CEP295: variants seen among roughly 807,000 people sequenced by gnomAD.
The protein encoded by CEP295 is centrosomal protein of 295 kDa.
CEP295 carries 190 observed loss-of-function variants against 291.6 expected under a neutral mutation model. The ratio of observed to expected loss-of-function variants is 0.65; its 90% confidence interval spans 0.58 to 0.73. CEP295 has a LOEUF of 0.73. CEP295 is among the 30% of genes least tolerant of loss of function. The pLI, the probability that CEP295 is intolerant of heterozygous loss-of-function variation, is 0.00. For missense variants in CEP295, 2,863 were observed against 2,949.4 expected, an observed-to-expected ratio of 0.97 and a Z score of 0.68; for synonymous variants, 993 against 1,038.8, an observed-to-expected ratio of 0.96 and a Z score of 0.85.
chr11:93,695,276 C>CT (rs1951793064), intron 12 of CEP295, among the ~76,000 whole-genome samples: 2 of 152,110 alleles, frequency 1.3e-5, no homozygotes, highest in African/African-American at 4.8e-5. Flanking sequence ...TTCCTTCTGC[C>CT]TTTTTTTACT....
intron 4 of CEP295, 58 bp downstream of exon 4, chr11:93,668,990 G>T: frequency 1.3e-6 from 1 of 790,460 alleles, no homozygotes; most frequent in Non-Finnish European, 2.0e-6. Context: ...GAAAGTAGAG[G>T]ATACATAGGA....
At chr11:93,682,722 T>A (rs1951036086) in intron 7 of CEP295, among the ~76,000 whole-genome samples, 1 of 152,196 alleles carries the variant, frequency 6.6e-6, no homozygotes, top group African/African-American at 2.4e-5. Flanking sequence ...TTAACTAATA[T>A]TTGACTTCTA....
Position 93,698,352 on chromosome 11 carries a change from A to G in CEP295, c.3440A>G (p.Asp1147Gly), listed in dbSNP as rs1951957640. 2 of 1,552,218 alleles carry G rather than the reference A, an allele frequency of 1.3e-6. No individual in the cohort carries two copies. The highest frequency in any genetic ancestry group is 2.0e-5 in the Admixed American group (1 of 51,012). The part of the protein sequence containing the change: ...SCHLIIPTFQ[D>G]KSLSFPQHSL... ...CATTTGATAATCCCAACATTTCAGG[A>G]TAAGTCTCTTAGTTTTCCACAGCAT... Residue 1147 changes from aspartate to glycine, a missense_variant, in exon 15 of 30, where the codon GAT becomes GGT. Coordinates refer to ENST00000325212, the MANE Select transcript of CEP295 (RefSeq NM_033395.2).
At position 93,674,464 on chromosome 11, in the gene CEP295, C is replaced by T. The variant is rs556011431; in HGVS notation, c.529-1107C>T. ...GCTTGTAGTCCTAGCTATGGTAGGC[C>T]GAAGCGTAAGGATCGCTTGAGCTCA... is the stretch of plus-strand genomic sequence containing the variant. On this transcript the variant is annotated intron_variant, in intron 5 of 29. Transcript: ENST00000325212. Among the ~76,000 whole-genome samples, 18 of 152,200 alleles carry T rather than the reference C, an allele frequency of 1.2e-4. No homozygotes were observed. The East Asian group carries it at 2.1e-3, about 18-fold the overall frequency.
rs1239037841 is a variant in CEP295 at position 93,699,633 on chromosome 11, C to G, written c.4721C>G (p.Thr1574Ser). Reference protein sequence around the residue: ...QKSFPTKSNDTLPSSHREIPR... With the variant: ...QKSFPTKSNDSLPSSHREIPR... The stretch of plus-strand genomic sequence containing the variant: ...TCTTTCCCAACCAAAAGTAATGATA[C>G]TCTTCCCTCAAGTCATCGTGAGATT... The change falls in exon 15 of 30, where the codon ACT becomes AGT. Residue 1574 changes from threonine (T) to serine (S), a missense_variant. Transcript: ENST00000325212. The G allele has an allele frequency of 4.5e-6, 7 of 1,551,616 alleles. No individual in the cohort carries two copies. In the East Asian group the frequency reaches 7.3e-5, roughly 16 times the overall value.
chr11:93,683,748 A>G lies in CEP295; in HGVS notation c.949+6A>G. The stretch of plus-strand genomic sequence containing the variant: ...TATGTACAATGCAGACAGGAGTAAG[A>G]TATTTTCAGTAGGGCTTTCAATAGT... On this transcript the variant is annotated splice_donor_region_variant and intron_variant, in intron 8 of 29. Transcript: ENST00000325212. 6.5e-7 allele frequency: 1 copy of G among 1,527,922 alleles called. No homozygotes were observed. The highest frequency in any genetic ancestry group is 8.8e-7 in the Non-Finnish European group (1 of 1,140,872). 94.6% of individuals were successfully genotyped at this position (1,527,922 alleles called of 1,614,324 possible).
At position 93,684,110 on chromosome 11, in the gene CEP295, T is replaced by C. The variant is rs1440513652; in HGVS notation, c.1096T>C (p.Cys366Arg). ...CCTTCCAGTGACAGAAGCTGAAATA[T>C]GTTCTAGTGAAACAGATGGTAAAAA... ...EDLPVTEAEI[C>R]SSETDVPLVM... The change falls in exon 9 of 30, where the codon TGT becomes CGT. Residue 366 changes from cysteine (C) to arginine (R), a missense_variant. Coordinates refer to ENST00000325212, the MANE Select transcript of CEP295 (RefSeq NM_033395.2). 5.8e-6 allele frequency: 9 copies of C among 1,551,264 alleles called. No homozygotes were observed. In the Admixed American group the frequency reaches 5.9e-5, roughly 10 times the overall value.
rs1054176704 is a variant in CEP295, at chr11:93,706,773, C to A, written c.5625C>A (p.Asp1875Glu). ...LGKPGIYEDR[D>E]PLRVSISREQ... ...AACCAGGTATTTATGAAGACAGAGA[C>A]CCCCTGCGAGTCTCAATAAGCCGAG... Residue 1875 changes from aspartate (D) to glutamate (E), a missense_variant, in exon 18 of 30, where the codon GAC becomes GAA. Physicochemically the swap from Asp to Glu is conservative, Grantham distance 45. This residue lies in a region of CEP295 where 2,295 missense variants were observed against 2,335.7 expected (regional missense o/e 0.98). Transcript: ENST00000325212. The A allele has an allele frequency of 6.5e-7, 1 of 1,547,666 alleles. No individual in the cohort carries two copies. Among genetic ancestry groups the A allele is most frequent in the African/African-American group, 1.4e-5 (1 of 72,868 alleles).
chr11:93,721,412 G>A lies in CEP295; in HGVS notation c.5850G>A (p.Lys1950=). 1 of 1,559,944 alleles carries A rather than the reference G, an allele frequency of 6.4e-7. No individual in the cohort carries two copies. The highest frequency in any genetic ancestry group is 8.8e-7 in the Non-Finnish European group (1 of 1,131,736). The change falls in exon 19 of 30, where the codon AAG becomes AAA. Residue 1950 remains lysine (K), a splice_region_variant and synonymous_variant. Transcript: ENST00000325212. The stretch of plus-strand genomic sequence containing the variant: ...GTCCAACTGTGAAGCCAGATGATAA[G>A]GTTAGTAATGTCTTAATGTTCACTC... ...YLGPTVKPDD[K]AKTLSYEPLS...
Position 93,698,259 on chromosome 11 carries a change from C to T in CEP295, c.3347C>T (p.Ala1116Val), listed in dbSNP as rs1282778139. ...VQHSVASQAS[A>V]KAEPRRIQEL... Reference sequence around the variant, plus strand: ...CATTCAGTTGCTTCACAAGCTTCTGCTAAAGCTGAGCCTAGGAGAATTCAG... The same window carrying T: ...CATTCAGTTGCTTCACAAGCTTCTGTTAAAGCTGAGCCTAGGAGAATTCAG... Residue 1116 changes from alanine (A) to valine (V), a missense_variant, in exon 15 of 30, where the codon GCT (alanine) becomes GTT (valine). Ala to Val is a moderately conservative substitution (Grantham distance 64, BLOSUM62 0). Coordinates refer to ENST00000325212, the MANE Select transcript of CEP295 (RefSeq NM_033395.2). 3 of 1,551,678 alleles carry T rather than the reference C, an allele frequency of 1.9e-6. No homozygotes were observed. The highest frequency in any genetic ancestry group is 1.4e-5 in the African/African-American group (1 of 73,036).
At position 93,706,736 on chromosome 11, in the gene CEP295, C is replaced by G; in HGVS notation, c.5597-9C>G. The G allele has an allele frequency of 6.7e-7, 1 of 1,496,064 alleles. No homozygotes were observed. Among genetic ancestry groups the G allele is most frequent in the African/African-American group, 1.4e-5 (1 of 70,472 alleles). 92.7% of individuals were successfully genotyped at this position (1,496,064 alleles called of 1,614,324 possible). A position where few individuals can be genotyped will look rare whatever the true frequency, so the allele number is the denominator to read the frequency against. Reference sequence around the variant, plus strand: ...AGAAATTGAAGTGGAAATATTTTTTCCCCCCCAGGTAAACCAGGTATTTAT... The same window carrying G: ...AGAAATTGAAGTGGAAATATTTTTTGCCCCCCAGGTAAACCAGGTATTTAT... On this transcript the variant is annotated splice_polypyrimidine_tract_variant and intron_variant, in intron 17 of 29. Transcript: ENST00000325212.
Position 93,727,578 on chromosome 11 carries a change from G to GAA in CEP295, c.7103_7104dup (p.Ser2369AsnfsTer28), listed in dbSNP as rs1345217119. The GAA allele has an allele frequency of 6.4e-7, 1 of 1,550,966 alleles. No individual in the cohort carries two copies. The highest frequency in any genetic ancestry group is 8.7e-7 in the Non-Finnish European group (1 of 1,146,834). On this transcript the variant is annotated frameshift_variant, in exon 24 of 30. Coordinates refer to ENST00000325212, the MANE Select transcript of CEP295 (RefSeq NM_033395.2). LOFTEE classifies it high-confidence loss of function. The stretch of plus-strand genomic sequence containing the variant: ...CACCAAAAAACTATCTCAACTAGGA[G>GAA]AATCAGAGCTTTTTGCAAGTTCTGG...
intron 11 of CEP295, 64 bp downstream of exon 11, chr11:93,691,839 T>C (rs1951568399): frequency 1.6e-6 from 2 of 1,288,592 alleles, no homozygotes; most frequent in Non-Finnish European, 2.2e-6. Flanking sequence ...TTAAATAAAA[T>C]TACATGTGAT....
chr11:93,710,410 T>G (rs995335572), intron 18 of CEP295, among the ~76,000 whole-genome samples: 2 of 152,234 alleles, frequency 1.3e-5, no homozygotes, highest in African/African-American at 4.8e-5. Context: ...TTCATTCTGT[T>G]GATAGGATGT....
At position 93,698,125 on chromosome 11, in the gene CEP295, T is replaced by A; in HGVS notation, c.3213T>A (p.Leu1071=). Reference sequence around the variant, plus strand: ...AGTTGACTAAACAGAGGGATACTCTTCAGGCTAGGCATGAAGCTCAGGTGG... The same window carrying A: ...AGTTGACTAAACAGAGGGATACTCTACAGGCTAGGCATGAAGCTCAGGTGG... The part of the protein sequence containing the change: ...QEQLTKQRDT[L]QARHEAQVEL... The change falls in exon 15 of 30, where the codon CTT becomes CTA. Residue 1071 remains leucine (L), a synonymous_variant. Coordinates refer to ENST00000325212, the MANE Select transcript of CEP295 (RefSeq NM_033395.2). 5 of 1,552,200 alleles carry A rather than the reference T, an allele frequency of 3.2e-6. No individual in the cohort carries two copies. The highest frequency in any genetic ancestry group is 4.4e-6 in the Non-Finnish European group (5 of 1,147,100).
chr11:93,683,063 A>C (rs555239345), intron 7 of CEP295, among the ~76,000 whole-genome samples: 10 of 152,336 alleles, frequency 6.6e-5, no homozygotes, highest in Non-Finnish European at 1.2e-4. Context: ...ATCTCCTTTA[A>C]TAATGGAAAT....
In CEP295 at chr11:93,698,791, C is replaced by G. The variant is rs763165266; in HGVS notation, c.3879C>G (p.Pro1293=). 5.8e-6 allele frequency: 9 copies of G among 1,551,556 alleles called. No homozygotes were observed. Among genetic ancestry groups the G allele is most frequent in the Non-Finnish European group, 7.8e-6 (9 of 1,146,984 alleles). The change falls in exon 15 of 30, where the codon CCC becomes CCG. Residue 1293 remains proline, a synonymous_variant. Transcript: ENST00000325212. ...AAACTGGTTCATCTTCATTCATACC[C>G]CAGTTGGTACAGCTTTCATTTACTT... ...SEQTGSSSFI[P]QLVQLSFTSL...
intron 18 of CEP295, among the ~76,000 whole-genome samples, chr11:93,716,173 C>G (rs1472621124): frequency 6.6e-6 from 1 of 152,188 alleles, no homozygotes; most frequent in East Asian, 1.9e-4. Context: ...CAACTTCCAA[C>G]TGCTAGAGTG....
rs1334153439 is a variant in CEP295 at position 93,683,734 on chromosome 11, C to G, written c.941C>G (p.Ala314Gly). ...TTTGCCTTTGAAGATATGTACAATG[C>G]AGACAGGAGTAAGATATTTTCAGTA... Reference protein sequence around the residue: ...LEFAFEDMYNADRKVKGNLIL... With the variant: ...LEFAFEDMYNGDRKVKGNLIL... Residue 314 changes from alanine (A) to glycine (G), a missense_variant, in exon 8 of 30, where the codon GCA becomes GGA. Around this residue, in one of 3 missense-constraint regions of CEP295, gnomAD observed 554 missense variants for 576.0 expected, o/e 0.96. Coordinates refer to ENST00000325212, the MANE Select transcript of CEP295 (RefSeq NM_033395.2). 2 of 1,535,636 alleles carry G rather than the reference C, an allele frequency of 1.3e-6. No homozygotes were observed. The highest frequency in any genetic ancestry group is 1.7e-6 in the Non-Finnish European group (2 of 1,143,086).
Sources: allele counts gnomAD v4.1 joint callset (sites outside exome capture counted in the v4.1 genomes callset), GRCh38; gene constraint gnomAD v4.1.1; regional missense constraint gnomAD v4.1.1; transcripts MANE v1.5; gene names NCBI Gene and HGNC (gene_info 2026-07-23, HGNC 2026-07-21).